Variants in COL24A1 observed in about 807,000 individuals in gnomAD.
The protein encoded by COL24A1 is collagen type XXIV alpha 1 chain, also known as collagen alpha-1(XXIV) chain.
A neutral mutation model predicts 253.9 loss-of-function variants in COL24A1; 224 were observed. That is an observed-to-expected ratio of 0.88 (90% confidence interval 0.79 to 0.99). COL24A1 has a LOEUF of 0.99. COL24A1 is among the 50% of genes least tolerant of loss of function. The pLI, the probability that COL24A1 is intolerant of heterozygous loss-of-function variation, is 0.00. For missense variants in COL24A1, 2,131 were observed against 2,068.5 expected (o/e 1.03, Z -0.59); for synonymous variants, 685 against 673.7 (o/e 1.02, Z -0.26).
At chr1:85,863,376 G>T (rs1412281532) in intron 37 of COL24A1, among the ~76,000 whole-genome samples, 1 of 152,128 alleles carries the variant, frequency 6.6e-6, no homozygotes, top group African/African-American at 2.4e-5. Flanking sequence ...GGTGAGAGAG[G>T]GTATCCTTGT....
At chr1:85,794,722 G>C (rs1670636655) in intron 47 of COL24A1, among the ~76,000 whole-genome samples, 1 of 152,048 alleles carries the variant, frequency 6.6e-6, no homozygotes, top group Non-Finnish European at 1.5e-5. Flanking sequence ...AAACAATTCA[G>C]CCTATGTTAA....
chr1:85,901,824 C>CAAAAAAAAA, intron 28 of COL24A1, among the ~76,000 whole-genome samples: 30 of 57,780 alleles, frequency 5.2e-4, no homozygotes, highest in East Asian at 1.3e-3. Context: ...GACTCCGTCT[C>CAAAAAAAAA]AAAAAAAAAA....
chr1:86,149,575 G>T (rs1054028782), intron 1 of COL24A1, among the ~76,000 whole-genome samples: 2 of 152,140 alleles, frequency 1.3e-5, no homozygotes, highest in Non-Finnish European at 2.9e-5. Flanking sequence ...CCTGCCCAAG[G>T]TAATCAGCCT....
At chr1:85,830,844 C>G (rs939959402) in intron 43 of COL24A1, among the ~76,000 whole-genome samples, 2 of 152,134 alleles carry the variant, frequency 1.3e-5, no homozygotes, top group Non-Finnish European at 2.9e-5. Context: ...GTGAGATGAA[C>G]CCAGTACCTC....
chr1:86,156,217 C>T, intron 1 of COL24A1, 124 bp downstream of exon 1: 3 of 786,714 alleles, frequency 3.8e-6, no homozygotes, highest in Non-Finnish European at 4.1e-6. Flanking sequence ...GGGTACTCGG[C>T]CGCTCCTAAA....
chr1:86,112,721 T>C, intron 4 of COL24A1, 101 bp from the exon 5 acceptor site: 2 of 1,086,526 alleles, frequency 1.8e-6, no homozygotes, highest in South Asian at 3.4e-5. Flanking sequence ...CTTTAAGCAC[T>C]TGAGTTTTTG....
chr1:85,823,709 A>C lies in COL24A1; in HGVS notation c.3711T>G (p.Gly1237=), dbSNP rs770382111. 6.2e-7 allele frequency: 1 copy of C among 1,613,858 alleles called. No individual in the cohort carries two copies. Among genetic ancestry groups the C allele is most frequent in the Non-Finnish European group, 8.5e-7 (1 of 1,179,874 alleles). Residue 1237 remains glycine, a synonymous_variant, in exon 44 of 60, where the codon GGT becomes GGG. Coordinates refer to ENST00000370571, the MANE Select transcript of COL24A1 (RefSeq NM_152890.7). ...CTGGGGGTCCTTGTTGTCCAGTGGCACCTCTTAGTCCTGGTACACCCACAT... is the reference window on the plus strand; with the variant it reads ...CTGGGGGTCCTTGTTGTCCAGTGGCCCCTCTTAGTCCTGGTACACCCACAT... ...KGHVGVPGLR[G]ATGQQGPPGE...
chr1:85,823,143 A>AT (rs1264984398), intron 45 of COL24A1, among the ~76,000 whole-genome samples: 1 of 152,154 alleles, frequency 6.6e-6, no homozygotes, highest in African/African-American at 2.4e-5. Flanking sequence ...AACAATTATC[A>AT]TTTAATAATT....
chr1:85,799,652 G>C (rs1476736554), intron 47 of COL24A1, among the ~76,000 whole-genome samples: 1 of 152,114 alleles, frequency 6.6e-6, no homozygotes. Flanking sequence ...ACAGAGAGCA[G>C]AGACATTTAT....
Position 86,033,931 on chromosome 1 carries a change from A to G in COL24A1, c.1951-8T>C. 1.3e-6 allele frequency: 2 copies of G among 1,588,722 alleles called. No homozygotes were observed. The highest frequency in any genetic ancestry group is 1.7e-6 in the Non-Finnish European group (2 of 1,170,302). On this transcript the variant is annotated splice_polypyrimidine_tract_variant and splice_region_variant and intron_variant, in intron 12 of 59. Coordinates refer to ENST00000370571, the MANE Select transcript of COL24A1 (RefSeq NM_152890.7). ...AAAGTCACCTGGAAAACCCTGTCAC[A>G]GGGAAAGAGGAAGAATGCCAACATA... is the stretch of plus-strand genomic sequence containing the variant.
At chr1:85,783,628 A>G in intron 50 of COL24A1, 70 bp from the exon 51 acceptor site, 3 of 1,346,438 alleles carry the variant, frequency 2.2e-6, no homozygotes, top group Non-Finnish European at 3.2e-6. Flanking sequence ...AAACTATATA[A>G]ATCTATCAAG....
intron 2 of COL24A1, among the ~76,000 whole-genome samples, chr1:86,128,693 G>A (rs574949978): frequency 5.1e-4 from 78 of 151,912 alleles, no homozygotes; most frequent in African/African-American, 1.7e-3. Flanking sequence ...ATATTAATAT[G>A]CTTCCTCCAA....
chr1:85,914,701 T>G (rs1685722030), intron 24 of COL24A1, among the ~76,000 whole-genome samples: 1 of 152,190 alleles, frequency 6.6e-6, no homozygotes, highest in African/African-American at 2.4e-5. Flanking sequence ...TCTCATTTCT[T>G]TATCATATAA....
intron 43 of COL24A1, among the ~76,000 whole-genome samples, chr1:85,831,390 A>G (rs1158148848): frequency 3.2e-4 from 48 of 152,094 alleles, no homozygotes; most frequent in Non-Finnish European, 1.5e-5. Context: ...TTCTACAGAA[A>G]TATTTTCAGA....
chr1:86,153,193 G>A (rs978110084), intron 1 of COL24A1, among the ~76,000 whole-genome samples: 3 of 151,990 alleles, frequency 2.0e-5, no homozygotes, highest in East Asian at 1.9e-4. Context: ...TTTCCTTCCA[G>A]TATTATCCTT....
intron 47 of COL24A1, among the ~76,000 whole-genome samples, chr1:85,808,589 A>G (rs913528098): frequency 6.6e-6 from 1 of 152,214 alleles, no homozygotes; most frequent in African/African-American, 2.4e-5. Flanking sequence ...GACTGAGCAG[A>G]TATCTTTATA....
chr1:86,045,053 G>A lies in COL24A1; in HGVS notation c.1950+1772C>T, dbSNP rs976222219. On this transcript the variant is annotated intron_variant, in intron 12 of 59. Coordinates refer to ENST00000370571, the MANE Select transcript of COL24A1 (RefSeq NM_152890.7). The stretch of plus-strand genomic sequence containing the variant: ...CACCCAGGCTGGAGTGCAGTGGCAC[G>A]ATCTCAGCTCACTGCAACCTTATTC... Among the ~76,000 whole-genome samples the A allele has an allele frequency of 6.6e-5, 10 of 151,962 alleles. No individual in the cohort carries two copies. In the East Asian group the frequency reaches 1.2e-3, roughly 18 times the overall value.
intron 58 of COL24A1, 57 bp downstream of exon 58, chr1:85,737,339 A>AT (rs1164446030): frequency 8.0e-6 from 8 of 1,000,534 alleles, no homozygotes; most frequent in Non-Finnish European, 1.0e-5. Context: ...TTTAAACATA[A>AT]TTTTTCACTG....
intron 8 of COL24A1, among the ~76,000 whole-genome samples, chr1:86,063,359 C>CTGTGTG (rs372205588): frequency 2.6e-5 from 3 of 117,578 alleles, no homozygotes; most frequent in South Asian, 2.3e-4. Context: ...GTCTCTCTCT[C>CTGTGTG]TGTGTGTGTG....
Sources: gnomAD v4.1 joint callset for allele counts (sites outside exome capture counted in the v4.1 genomes callset) on GRCh38, gnomAD v4.1.1 for gene constraint, MANE v1.5 for transcripts, NCBI Gene and HGNC (gene_info 2026-07-23, HGNC 2026-07-21) for gene names.